The following PLXNB2 variants were observed in gnomAD, a reference collection of about 807,000 sequenced individuals.
PLXNB2 encodes plexin B2, also known as plexin-B2.
A neutral mutation model predicts 202.6 loss-of-function variants in PLXNB2; 85 were observed. That is an observed-to-expected ratio of 0.42 (90% CI 0.35 to 0.50). PLXNB2 has a LOEUF of 0.50. Ranked by LOEUF, PLXNB2 falls within the 20% of genes least tolerant of loss-of-function variation. The pLI, the probability that PLXNB2 is intolerant of heterozygous loss-of-function variation, is 0.02. For synonymous variants in PLXNB2, 1,239 were observed against 1,137.6 expected (o/e 1.09, Z -1.79); for missense variants, 2,063 against 2,586.2 (o/e 0.80, Z 4.39).
At position 50,280,053 on chromosome 22, in the gene PLXNB2, C is replaced by T. The variant is rs373233056; in HGVS notation, c.4194G>A (p.Glu1398=). ...TGGACATCCAGTTGGACAGCATCCT[C>T]TCCACCACAGTCTCAGACCTGGGGG... ...LMLRRSETVV[E]RMLSNWMSIC... is the part of the protein sequence containing the mutation. The change falls in exon 26 of 37, where the codon GAG becomes GAA. Residue 1398 remains glutamate, a synonymous_variant. Coordinates refer to ENST00000359337, the MANE Select transcript of PLXNB2 (RefSeq NM_012401.4). 16 of 1,610,008 alleles carry T rather than the reference C, an allele frequency of 9.9e-6. No individual in the cohort carries two copies. In the African/African-American group the frequency reaches 1.9e-4, roughly 19 times the overall value.
intron 19 of PLXNB2, 29 bp downstream of exon 19, chr22:50,282,155 G>A: frequency 6.2e-7 from 1 of 1,604,736 alleles, no homozygotes; most frequent in Non-Finnish European, 8.5e-7. Context: ...ATGGGCCGGT[G>A]CCAGAGCTGA....
chr22:50,294,219 T>C (rs1383678607), intron 2 of PLXNB2, among the ~76,000 whole-genome samples: 1 of 152,238 alleles, frequency 6.6e-6, no homozygotes. Context: ...GGCGGGGATT[T>C]CCTCGGGCCC....
chr22:50,287,781 C>T lies in PLXNB2; in HGVS notation c.1494G>A (p.Lys498=). 6.3e-6 allele frequency: 10 copies of T among 1,589,908 alleles called. No homozygotes were observed. The highest frequency in any genetic ancestry group is 8.5e-6 in the Non-Finnish European group (10 of 1,175,380). ...CCTCCTCGGCCCGCGGACACTCGGC[C>T]TTCCGGGTGCATCTGCAGGCGCAGG... ...WCVVEGRCTR[K]AECPRAEEAS... is the part of the protein sequence containing the mutation. The change falls in exon 7 of 37, where the codon AAG becomes AAA. Residue 498 remains lysine, a synonymous_variant. Transcript: ENST00000359337.
chr22:50,294,138 G>C (rs937028167), intron 2 of PLXNB2, among the ~76,000 whole-genome samples: 1 of 152,254 alleles, frequency 6.6e-6, no homozygotes, highest in Non-Finnish European at 1.5e-5. Flanking sequence ...TGTGTTCCTG[G>C]AACAGGAGGG....
chr22:50,286,710 C>T (rs1001914203), intron 8 of PLXNB2, among the ~76,000 whole-genome samples: 3 of 152,328 alleles, frequency 2.0e-5, no homozygotes, highest in Non-Finnish European at 2.9e-5. Context: ...ATGGGCGCGA[C>T]GCCTGCCCTG....
intron 11 of PLXNB2, 65 bp downstream of exon 11, chr22:50,285,735 C>T (rs1210430481): frequency 5.3e-6 from 6 of 1,138,742 alleles, no homozygotes; most frequent in South Asian, 5.0e-5. Context: ...TGCCTGTCAC[C>T]GGCCGGCACC....
chr22:50,283,383 A>T lies in PLXNB2; in HGVS notation c.2633T>A (p.Phe878Tyr). ...PFTGGVEVDV[F>Y]GKLGRSPPNV... ...GGGAGGCGAACGGCCCAGTTTCCCG[A>T]AGACGTCCACCTCGACACCCCCCGT... The change falls in exon 16 of 37, where the codon TTC becomes TAC. Residue 878 changes from phenylalanine to tyrosine, a missense_variant. Transcript: ENST00000359337. 6.2e-7 allele frequency: 1 copy of T among 1,613,180 alleles called. No individual in the cohort carries two copies. Among genetic ancestry groups the T allele is most frequent in the Non-Finnish European group, 8.5e-7 (1 of 1,179,922 alleles).
At chr22:50,282,683 G>A (rs1209513275) in intron 18 of PLXNB2, 28 bp downstream of exon 18, 3 of 1,534,238 alleles carry the variant, frequency 2.0e-6, no homozygotes, top group South Asian at 2.3e-5. Context: ...GTGGGGAGCA[G>A]AGGGGGGCGG....
chr22:50,285,880 G>C lies in PLXNB2; in HGVS notation c.2008C>G (p.Leu670Val). The C allele has an allele frequency of 6.2e-7, 1 of 1,612,568 alleles. No homozygotes were observed. Among genetic ancestry groups the C allele is most frequent in the Non-Finnish European group, 8.5e-7 (1 of 1,179,668 alleles). The change falls in exon 11 of 37, where the codon CTG becomes GTG. Residue 670 changes from leucine (L) to valine (V), a missense_variant. By Grantham distance (32) the Leu-to-Val change is conservative (BLOSUM62 1). Around this residue, in one of 2 missense-constraint regions of PLXNB2, gnomAD observed 1,303 missense variants for 1,476.8 expected, o/e 0.88. Transcript: ENST00000359337. The part of the protein sequence containing the change: ...AHMEDSCPQF[L>V]GPSPLVIPMN... ...GGGATCACCAGGGGGCTGGGTCCCA[G>C]GAACTGGGGACAGCTGTCCTCCTGG...
intron 8 of PLXNB2, 30 bp from the exon 9 acceptor site, chr22:50,286,317 G>T: frequency 6.5e-7 from 1 of 1,550,174 alleles, no homozygotes; most frequent in Non-Finnish European, 8.9e-7. Flanking sequence ...AGGTGTCAAG[G>T]TGGCGGCCGC....
At chr22:50,292,152 A>G (rs555846042) in intron 2 of PLXNB2, among the ~76,000 whole-genome samples, 4 of 152,260 alleles carry the variant, frequency 2.6e-5, no homozygotes, top group East Asian at 1.9e-4. Context: ...CCTGGCCAAC[A>G]TGGTGAAACC....
In PLXNB2 at chr22:50,290,341, T is replaced by C. The variant is rs1420414767; in HGVS notation, c.244A>G (p.Ile82Val). The C allele has an allele frequency of 1.9e-6, 3 of 1,612,578 alleles. No homozygotes were observed. The highest frequency in any genetic ancestry group is 1.1e-5 in the South Asian group (1 of 91,086). ...ALDNKKCTPP[I>V]EASQCHEAEM... Reference sequence around the variant, plus strand: ...GCCTCATGGCACTGGCTGGCCTCGATGGGCGGCGTGCACTTCTTGTTGTCC... The same window carrying C: ...GCCTCATGGCACTGGCTGGCCTCGACGGGCGGCGTGCACTTCTTGTTGTCC... The change falls in exon 3 of 37, where the codon ATC becomes GTC. Residue 82 changes from isoleucine (I) to valine (V), a missense_variant. By Grantham distance (29) the Ile-to-Val change is conservative. Transcript: ENST00000359337.
intron 1 of PLXNB2, among the ~76,000 whole-genome samples, chr22:50,306,906 GA>G (rs2067903930): frequency 6.6e-6 from 1 of 152,248 alleles, no homozygotes; most frequent in Non-Finnish European, 1.5e-5. Context: ...CGAATAGCCC[GA>G]CCAGGGGCGC....
chr22:50,281,522 C>T (rs763499709), intron 21 of PLXNB2, 23 bp from the exon 22 acceptor site: 12 of 1,608,058 alleles, frequency 7.5e-6, no homozygotes, highest in Admixed American at 1.7e-5. Context: ...CCGGGTTCAG[C>T]GCGGTCCCGT....
chr22:50,284,174 A>C lies in PLXNB2; in HGVS notation c.2221T>G (p.Tyr741Asp). Reference protein sequence around the residue: ...DANETLPLHLYVKSYGKNIDS... With the variant: ...DANETLPLHLDVKSYGKNIDS... Reference sequence around the variant, plus strand: ...ATATTCTTGCCGTAAGACTTGACGTAGAGGTGCAGGGGCAGCGTCTCGTTG... The same window carrying C: ...ATATTCTTGCCGTAAGACTTGACGTCGAGGTGCAGGGGCAGCGTCTCGTTG... The change falls in exon 13 of 37, where the codon TAC becomes GAC. Residue 741 changes from tyrosine (Y) to aspartate (D), a missense_variant. Physicochemically the swap from Tyr to Asp is radical, Grantham distance 160 (BLOSUM62 -3). Coordinates refer to ENST00000359337, the MANE Select transcript of PLXNB2 (RefSeq NM_012401.4). The surrounding 1 kb of genome is among the most constrained non-coding windows in gnomAD (Gnocchi z 8.0). The C allele has an allele frequency of 6.2e-7, 1 of 1,612,112 alleles. No individual in the cohort carries two copies. Among genetic ancestry groups the C allele is most frequent in the Non-Finnish European group, 8.5e-7 (1 of 1,179,544 alleles).
intron 25 of PLXNB2, 45 bp downstream of exon 25, chr22:50,280,444 G>T (rs115482689): frequency 1.3e-6 from 2 of 1,542,378 alleles, no homozygotes; most frequent in African/African-American, 1.4e-5. Flanking sequence ...GAGCCCCTGC[G>T]GCCGCCCCGC....
intron 34 of PLXNB2, 52 bp from the exon 35 acceptor site, chr22:50,276,756 G>A (rs369137337): frequency 1.9e-6 from 3 of 1,598,176 alleles, no homozygotes; most frequent in Non-Finnish European, 2.6e-6. Context: ...CACAAAGGGG[G>A]TGGTGGGGGA....
intron 2 of PLXNB2, among the ~76,000 whole-genome samples, chr22:50,293,187 G>A (rs2067008691): frequency 6.6e-6 from 1 of 152,224 alleles, no homozygotes; most frequent in African/African-American, 2.4e-5. Flanking sequence ...CTGGTGGAGG[G>A]GGTTCTATGC....
chr22:50,279,940 G>T (rs1439674930), intron 26 of PLXNB2, 65 bp downstream of exon 26: 2 of 1,434,814 alleles, frequency 1.4e-6, no homozygotes, highest in African/African-American at 1.4e-5. Flanking sequence ...ATAGGGGAAC[G>T]CAGGAGGGGA....
Sources: allele counts gnomAD v4.1 joint callset (sites outside exome capture counted in the v4.1 genomes callset), GRCh38; gene constraint gnomAD v4.1.1; regional missense constraint gnomAD v4.1.1; non-coding constraint Gnocchi (gnomAD v3.1); transcripts MANE v1.5; gene names NCBI Gene and HGNC (gene_info 2026-07-23, HGNC 2026-07-21).